The following FBLN1 variants were observed in gnomAD, a reference collection of about 807,000 sequenced individuals.
FBLN1 encodes fibulin 1.
FBLN1 carries 34 observed loss-of-function variants against 89.7 expected under a neutral mutation model. The observed-to-expected ratio is 0.38, with a 90% confidence interval of 0.29 to 0.50. The LOEUF (loss-of-function observed/expected upper bound fraction) is 0.50. Ranked by LOEUF, FBLN1 falls within the 20% of genes least tolerant of loss-of-function variation. FBLN1 has a pLI of 0.92. For missense variants in FBLN1, 777 were observed against 988.1 expected, an observed-to-expected ratio of 0.79 and a Z score of 2.86; for synonymous variants, 393 against 391.3, an observed-to-expected ratio of 1.00 and a Z score of -0.05.
Position 45,536,302 on chromosome 22 carries a change from G to A in FBLN1, c.922+965G>A, listed in dbSNP as rs907943818. Among the ~76,000 whole-genome samples, 12 of 152,208 alleles carry A rather than the reference G, an allele frequency of 7.9e-5. No individual in the cohort carries two copies. Among genetic ancestry groups the A allele is most frequent in the African/African-American group, 2.7e-4 (11 of 41,452 alleles). The stretch of plus-strand genomic sequence containing the variant: ...GATGGGGAGTGAGTGTTTCCTGGGC[G>A]CAGAGTTTCAGTTTGAGAAGATGAA... On this transcript the variant is annotated intron_variant, in intron 8 of 16. Transcript: ENST00000327858. The surrounding 1 kb of genome is among the most constrained non-coding windows in gnomAD (Gnocchi z 5.1).
At chr22:45,546,483 G>A (rs1602196715) in intron 11 of FBLN1, among the ~76,000 whole-genome samples, 1 of 152,342 alleles carries the variant, frequency 6.6e-6, no homozygotes, top group East Asian at 1.9e-4. Context: ...CGAAGTGCTG[G>A]AATTACAGGC....
At chr22:45,548,389 C>G (rs114963567) in intron 12 of FBLN1, among the ~76,000 whole-genome samples, 1 of 152,178 alleles carries the variant, frequency 6.6e-6, no homozygotes, top group Non-Finnish European at 1.5e-5. Context: ...CCATATTTCC[C>G]CCTGCCCGCC....
Position 45,513,940 on chromosome 22 carries a change from T to G in FBLN1, c.80-4742T>G, listed in dbSNP as rs180909716. Among the ~76,000 whole-genome samples the G allele has an allele frequency of 8.9e-3, 1,350 of 152,222 alleles. 6 individuals carry two copies. The highest frequency in any genetic ancestry group is 0.013 in the Non-Finnish European group (856 of 68,020). On this transcript the variant is annotated intron_variant, in intron 1 of 16. Coordinates refer to ENST00000327858, the MANE Select transcript of FBLN1 (RefSeq NM_006486.3). ...TCCTGAGTAGCTGGGATTACAGGCA[T>G]GCACCACACGCCTGGCTAATTTTTG...
At chr22:45,523,619 A>G (rs1016309835) in intron 2 of FBLN1, among the ~76,000 whole-genome samples, 3 of 152,114 alleles carry the variant, frequency 2.0e-5, no homozygotes, top group African/African-American at 7.2e-5. Context: ...CAGGAGAATC[A>G]CTTGAACCCA....
chr22:45,596,520 A>G (rs976662184), intron 16 of FBLN1, among the ~76,000 whole-genome samples: 13 of 151,816 alleles, frequency 8.6e-5, no homozygotes, highest in African/African-American at 2.4e-4. Flanking sequence ...GTATTTAAAT[A>G]TAGACATTTA....
chr22:45,538,789 C>T (rs2146976222), intron 8 of FBLN1, among the ~76,000 whole-genome samples: 1 of 152,186 alleles, frequency 6.6e-6, no homozygotes, highest in Non-Finnish European at 1.5e-5. Context: ...CCTTGTGTAG[C>T]CAGAATCCAT....
chr22:45,567,326 G>A (rs549620676), intron 14 of FBLN1, among the ~76,000 whole-genome samples: 1 of 152,320 alleles, frequency 6.6e-6, no homozygotes, highest in East Asian at 1.9e-4. Flanking sequence ...AATAAGATAT[G>A]CAAAATGGGC....
intron 1 of FBLN1, among the ~76,000 whole-genome samples, chr22:45,506,594 T>G (rs1280850201): frequency 6.6e-6 from 1 of 152,190 alleles, no homozygotes; most frequent in African/African-American, 2.4e-5. Context: ...TGGCTAAGTC[T>G]GTGGGTAGGG....
At chr22:45,529,197 C>T in intron 4 of FBLN1, among the ~76,000 whole-genome samples, 2 of 152,226 alleles carry the variant, frequency 1.3e-5, no homozygotes, top group East Asian at 3.8e-4. Flanking sequence ...CTGGCCAGTG[C>T]CCTCTCCATC....
chr22:45,512,742 C>G (rs2088118275), intron 1 of FBLN1, among the ~76,000 whole-genome samples: 1 of 152,136 alleles, frequency 6.6e-6, no homozygotes, highest in South Asian at 2.1e-4. Flanking sequence ...CTGTGATCCT[C>G]AGGGTGTTCT....
intron 1 of FBLN1, among the ~76,000 whole-genome samples, chr22:45,518,275 C>T (rs2088198097): frequency 6.6e-6 from 1 of 152,122 alleles, no homozygotes; most frequent in Non-Finnish European, 1.5e-5. Context: ...GCTGGGCTGG[C>T]CGGCAGCATG....
At position 45,580,536 on chromosome 22, in the gene FBLN1, G is replaced by A. The variant is rs944605786; in HGVS notation, c.1972+3428G>A. Among the ~76,000 whole-genome samples the A allele has an allele frequency of 1.3e-5, 2 of 152,204 alleles. No individual in the cohort carries two copies. The highest frequency in any genetic ancestry group is 4.8e-5 in the African/African-American group (2 of 41,448). ...CATCATCGCCAGGACCCTGTGACAC[G>A]GTGGGATTATCTCCTCTAACAAAGG... On this transcript the variant is annotated intron_variant, in intron 16 of 16. Coordinates refer to ENST00000327858, the MANE Select transcript of FBLN1 (RefSeq NM_006486.3). The surrounding 1 kb of genome is among the most constrained non-coding windows in gnomAD (Gnocchi z 8.6).
chr22:45,576,894 A>G lies in FBLN1; in HGVS notation c.1841-83A>G. On this transcript the variant is annotated intron_variant, in intron 15 of 16. Coordinates refer to ENST00000327858, the MANE Select transcript of FBLN1 (RefSeq NM_006486.3). The surrounding 1 kb of genome is among the most constrained non-coding windows in gnomAD (Gnocchi z 5.2). ...GCCCTGGGTTAGGTCTTCATTCCCCAAGGGTGAGTTCCTGGGGACGAGGCT... is the reference window on the plus strand; with the variant it reads ...GCCCTGGGTTAGGTCTTCATTCCCCGAGGGTGAGTTCCTGGGGACGAGGCT... The G allele has an allele frequency of 6.4e-7, 1 of 1,559,032 alleles. No homozygotes were observed. Among genetic ancestry groups the G allele is most frequent in the Non-Finnish European group, 8.8e-7 (1 of 1,140,070 alleles).
chr22:45,534,292 C>CAAAAAAAAAAAAAAAAAAAAAAA (rs136746), intron 7 of FBLN1, among the ~76,000 whole-genome samples: 1 of 83,230 alleles, frequency 1.2e-5, no homozygotes, highest in Non-Finnish European at 2.1e-5. Context: ...GTACTTTCTA[C>CAAAAAAAAAAAAAAAAAAAAAAA]AAAAAAAAAA....
rs541662146 is a variant in FBLN1 at position 45,572,021 on chromosome 22, C to T, written c.1698-2490C>T. 4.9e-4 allele frequency among the ~76,000 whole-genome samples: 75 copies of T among 152,132 alleles called. No homozygotes were observed. Among genetic ancestry groups the T allele is most frequent in the African/African-American group, 1.6e-3 (68 of 41,498 alleles). On this transcript the variant is annotated intron_variant, in intron 14 of 16. Transcript: ENST00000327858. This position sits in a 1 kb window ranked among gnomAD's most constrained non-coding sequence, Gnocchi z 5.8. ...GTGCCCGCCTGTAATCCCAGCTACTCAGGAGGCTGAGGCAGGAGAATCACT... is the reference window on the plus strand; with the variant it reads ...GTGCCCGCCTGTAATCCCAGCTACTTAGGAGGCTGAGGCAGGAGAATCACT...
rs1049066754 is a variant in FBLN1 at position 45,548,852 on chromosome 22, C to T, written c.1573+108C>T. The T allele has an allele frequency of 4.6e-6, 7 of 1,527,586 alleles. No individual in the cohort carries two copies. In the African/African-American group the frequency reaches 9.6e-5, roughly 21 times the overall value. The allele number at this position is 1,527,586 out of a possible 1,614,324, so 94.6% of individuals were successfully genotyped here. A position where few individuals can be genotyped will look rare whatever the true frequency, so the allele number is the denominator to read the frequency against. On this transcript the variant is annotated intron_variant, in intron 13 of 16. Transcript: ENST00000327858. ...CTGTGCTTCCCCAACCCAAGGGCCA[C>T]AGCACAGATGGAATGCATTCAGGAA...
At chr22:45,599,418 G>A (rs1225761174) in intron 16 of FBLN1, among the ~76,000 whole-genome samples, 2 of 152,300 alleles carry the variant, frequency 1.3e-5, no homozygotes, top group African/African-American at 4.8e-5. Flanking sequence ...CAAGGGGTCC[G>A]GAGGCATGCC....
chr22:45,560,277 T>C (rs527494932), intron 14 of FBLN1, among the ~76,000 whole-genome samples: 311 of 152,382 alleles, frequency 2.0e-3, no homozygotes, highest in African/African-American at 7.3e-3. Context: ...TGGTTCCCAC[T>C]GTTAGATCTG....
rs538326268 is a variant in FBLN1 at position 45,591,787 on chromosome 22, G to A, written c.1973-8520G>A. Among the ~76,000 whole-genome samples the A allele has an allele frequency of 2.4e-3, 222 of 93,726 alleles. 1 individual carries two copies. The highest frequency in any genetic ancestry group is 0.02 in the African/African-American group (215 of 10,826). 61.5% of individuals were successfully genotyped at this position (93,726 alleles called of 152,430 possible). A position where few individuals can be genotyped will look rare whatever the true frequency, so the allele number is the denominator to read the frequency against. On this transcript the variant is annotated intron_variant, in intron 16 of 16. Coordinates refer to ENST00000327858, the MANE Select transcript of FBLN1 (RefSeq NM_006486.3). Reference sequence around the variant, plus strand: ...GCAGTACAGTCGGGAAGTGTCCTGCGCGCCATTTTGCAGACAGGAGGGAGG... The same window carrying A: ...GCAGTACAGTCGGGAAGTGTCCTGCACGCCATTTTGCAGACAGGAGGGAGG...
Sources: allele counts gnomAD v4.1 joint callset (sites outside exome capture counted in the v4.1 genomes callset), GRCh38; gene constraint gnomAD v4.1.1; non-coding constraint Gnocchi (gnomAD v3.1); transcripts MANE v1.5; gene names NCBI Gene and HGNC (gene_info 2026-07-23, HGNC 2026-07-21).